FSD1L: variants seen among roughly 807,000 people sequenced by gnomAD.
FSD1L encodes FSD1-like protein.
In FSD1L, 45 loss-of-function variants were observed where a neutral mutation model predicts 71.6. The observed-to-expected ratio is 0.63, with a 90% CI of 0.49 to 0.81. The LOEUF (loss-of-function observed/expected upper bound fraction) is 0.81, where lower values mean the gene tolerates loss of function less well. Among genes scored for constraint, FSD1L ranks in the 30% least tolerant of loss-of-function variants. The probability of loss-of-function intolerance (pLI) is 0.00; values close to 1 mark genes in which losing one functional copy is unlikely to be tolerated. For missense variants in FSD1L, 561 were observed against 618.1 expected (o/e 0.91, Z 0.98); for synonymous variants, 197 against 207.2 (o/e 0.95, Z 0.42).
intron 10 of FSD1L, among the ~76,000 whole-genome samples, chr9:105,532,502 G>A (rs1305137908): frequency 6.6e-6 from 1 of 152,132 alleles, no homozygotes; most frequent in African/African-American, 2.4e-5. Flanking sequence ...AAGTATAAAT[G>A]TTTAATAATT....
rs529678502 is a variant in FSD1L, at chr9:105,551,110, T to A, written c.*4627T>A. The A allele has an allele frequency of 2.0e-5, 3 of 152,174 alleles. No homozygotes were observed. Among genetic ancestry groups the A allele is most frequent in the South Asian group, 4.1e-4 (2 of 4,822 alleles). 9.4% of individuals were successfully genotyped at this position (152,174 alleles called of 1,614,324 possible). A position where few individuals can be genotyped will look rare whatever the true frequency, so the allele number is the denominator to read the frequency against. On this transcript the variant is annotated 3_prime_UTR_variant, in exon 14 of 14. Transcript: ENST00000481272. Reference sequence around the variant, plus strand: ...GGGCTATGAGAATGCATATATATATTTTTTAACATTTCCTATATATCTAAG... The same window carrying A: ...GGGCTATGAGAATGCATATATATATATTTTAACATTTCCTATATATCTAAG...
chr9:105,550,772 T>C lies in FSD1L; in HGVS notation c.*4289T>C, dbSNP rs1448091398. On this transcript the variant is annotated 3_prime_UTR_variant, in exon 14 of 14. Coordinates refer to ENST00000481272, the MANE Select transcript of FSD1L (RefSeq NM_001145313.3). The stretch of plus-strand genomic sequence containing the variant: ...CAGAATTTACCAGAGTACACTTTTC[T>C]CTTCAGATGACTCAATTATTAAATA... The C allele has an allele frequency of 6.6e-6, 1 of 152,122 alleles. No homozygotes were observed. Among genetic ancestry groups the C allele is most frequent in the Non-Finnish European group, 1.5e-5 (1 of 67,952 alleles). The allele number at this position is 152,122 out of a possible 1,614,324, so 9.4% of individuals were successfully genotyped here.
intron 1 of FSD1L, among the ~76,000 whole-genome samples, chr9:105,453,544 T>G (rs746079148): frequency 2.0e-5 from 3 of 152,000 alleles, no homozygotes; most frequent in Non-Finnish European, 2.9e-5. Context: ...CATGTATCTT[T>G]CCCCTTTTTT....
chr9:105,508,302 C>T (rs1834188662), intron 8 of FSD1L, among the ~76,000 whole-genome samples: 1 of 151,716 alleles, frequency 6.6e-6, no homozygotes, highest in Non-Finnish European at 1.5e-5. Flanking sequence ...CTCAGCCTCC[C>T]GAGTAGCTGG....
At chr9:105,521,744 T>G (rs1351806365) in intron 10 of FSD1L, 2 of 1,613,012 alleles carry the variant, frequency 1.2e-6, no homozygotes, top group Admixed American at 3.3e-5. Context: ...GAAATTCCAG[T>G]TGGGCAAAAA....
chr9:105,525,283 G>T (rs879572710), intron 10 of FSD1L: 133 of 1,607,646 alleles, frequency 8.3e-5, no homozygotes, highest in Middle Eastern at 1.7e-4. Flanking sequence ...AGATGAAGAA[G>T]ATGCTCTTGA....
chr9:105,496,931 G>T (rs1833451005), intron 7 of FSD1L, among the ~76,000 whole-genome samples: 2 of 152,218 alleles, frequency 1.3e-5, no homozygotes, highest in Non-Finnish European at 2.9e-5. Flanking sequence ...GGGGATCCTT[G>T]CCTTGTTCCT....
chr9:105,550,209 A>G lies in FSD1L; in HGVS notation c.*3726A>G, dbSNP rs939571616. ...TTTGCCTCTTAAAATTGTTTTGCTA[A>G]TAAGTCAGAAGTTTAAAATGTGTTA... is the stretch of plus-strand genomic sequence containing the variant. On this transcript the variant is annotated 3_prime_UTR_variant, in exon 14 of 14. Coordinates refer to ENST00000481272, the MANE Select transcript of FSD1L (RefSeq NM_001145313.3). The G allele has an allele frequency of 7.2e-5, 11 of 152,012 alleles. No individual in the cohort carries two copies. Among genetic ancestry groups the G allele is most frequent in the African/African-American group, 2.2e-4 (9 of 41,448 alleles). 9.4% of individuals were successfully genotyped at this position (152,012 alleles called of 1,614,324 possible).
the FSD1L span, among the ~76,000 whole-genome samples, chr9:105,442,498 G>A: frequency 1.3e-5 from 2 of 151,346 alleles, no homozygotes; most frequent in Admixed American, 1.3e-4. Flanking sequence ...GGACAATATG[G>A]TGAAATCCCA....
chr9:105,494,164 A>C (rs1833174538), intron 7 of FSD1L, among the ~76,000 whole-genome samples: 1 of 152,048 alleles, frequency 6.6e-6, no homozygotes, highest in Admixed American at 6.6e-5. Context: ...TGGTCTTTTC[A>C]CATAGTCCCA....
At chr9:105,529,126 C>G (rs1796340738) in intron 10 of FSD1L, among the ~76,000 whole-genome samples, 1 of 152,166 alleles carries the variant, frequency 6.6e-6, no homozygotes, top group African/African-American at 2.4e-5. Flanking sequence ...ACAACAGATG[C>G]TGGAGAGGAT....
At chr9:105,535,521 C>G (rs113429317) in intron 12 of FSD1L, among the ~76,000 whole-genome samples, 4 of 152,256 alleles carry the variant, frequency 2.6e-5, no homozygotes, top group African/African-American at 9.6e-5. Context: ...TATAAAAGCA[C>G]TCATTTATAA....
chr9:105,518,459 GTC>G (rs757196631), intron 10 of FSD1L, among the ~76,000 whole-genome samples: 5 of 152,170 alleles, frequency 3.3e-5, no homozygotes, highest in Non-Finnish European at 5.9e-5. Flanking sequence ...ATAACAGTCA[GTC>G]TCTCAGACCA....
In FSD1L at chr9:105,524,572, C is replaced by T. The variant is rs1414516243; in HGVS notation, c.1026-9921C>T. On this transcript the variant is annotated intron_variant, in intron 10 of 13. Transcript: ENST00000481272. ...GTTTTACATGGGTGTGTTTATGGAG[C>T]TCAGTGTTTTAGCAATCCAAGGTAT... The T allele has an allele frequency of 1.9e-6, 3 of 1,613,782 alleles. No homozygotes were observed. In the African/African-American group the frequency reaches 4.0e-5, roughly 22 times the overall value.
chr9:105,478,114 G>A (rs555909391), intron 5 of FSD1L, among the ~76,000 whole-genome samples: 2 of 152,196 alleles, frequency 1.3e-5, no homozygotes, highest in East Asian at 3.9e-4. Flanking sequence ...GCGTGGTGGC[G>A]GGTCCCTGTA....
intron 12 of FSD1L, among the ~76,000 whole-genome samples, chr9:105,536,787 C>T (rs1261839517): frequency 6.6e-6 from 1 of 152,072 alleles, no homozygotes; most frequent in Non-Finnish European, 1.5e-5. Flanking sequence ...CAGGTGCATG[C>T]CACCACGCCT....
chr9:105,490,538 T>G (rs1357880691), intron 7 of FSD1L, among the ~76,000 whole-genome samples: 1 of 150,548 alleles, frequency 6.6e-6, no homozygotes, highest in Non-Finnish European at 1.5e-5. Flanking sequence ...TTTTGGCTTT[T>G]GTTGCCATTG....
rs562540803 is a variant in FSD1L at position 105,551,727 on chromosome 9, G to C, written c.*5244G>C. Reference sequence around the variant, plus strand: ...GTATTTTCTCAAGCCTATTACTCTAGAGCTGTAAAAGCTCTTGCACAGCAT... The same window carrying C: ...GTATTTTCTCAAGCCTATTACTCTACAGCTGTAAAAGCTCTTGCACAGCAT... On this transcript the variant is annotated 3_prime_UTR_variant, in exon 14 of 14. Transcript: ENST00000481272. The C allele has an allele frequency of 6.6e-6, 1 of 152,126 alleles. No homozygotes were observed. Among genetic ancestry groups the C allele is most frequent in the Admixed American group, 6.5e-5 (1 of 15,280 alleles). 9.4% of individuals were successfully genotyped at this position (152,126 alleles called of 1,614,324 possible). A position where few individuals can be genotyped will look rare whatever the true frequency, so the allele number is the denominator to read the frequency against.
At chr9:105,472,886 C>T (rs1831564384) in intron 5 of FSD1L, 1 of 152,092 alleles carries the variant, frequency 6.6e-6, no homozygotes, top group Non-Finnish European at 1.5e-5. Flanking sequence ...TGCTGTAAGC[C>T]AATGCATGAA....
Sources: gnomAD v4.1 joint callset for allele counts (sites outside exome capture counted in the v4.1 genomes callset) on GRCh38, gnomAD v4.1.1 for gene constraint, MANE v1.5 for transcripts, NCBI Gene and HGNC (gene_info 2026-07-23, HGNC 2026-07-21) for gene names.